Variants in MAFK observed in about 807,000 individuals in gnomAD.
MAFK encodes MAF bZIP transcription factor K.
Under a neutral mutation model 9.2 loss-of-function variants are expected in MAFK, and 1 was observed. The ratio of observed to expected loss-of-function variants is 0.11; its 90% CI spans 0.04 to 0.52. The LOEUF (loss-of-function observed/expected upper bound fraction) is 0.52. Ranked by LOEUF, MAFK falls within the 20% of genes least tolerant of loss-of-function variation. MAFK has a pLI of 0.94. For missense variants in MAFK, 207 were observed against 236.0 expected, an observed-to-expected ratio of 0.88 and a Z score of 0.81; for synonymous variants, 110 against 107.4, an observed-to-expected ratio of 1.02 and a Z score of -0.15.
intron 2 of MAFK, among the ~76,000 whole-genome samples, chr7:1,539,510 C>A (rs1366275081): frequency 7.6e-6 from 1 of 132,144 alleles, no homozygotes; most frequent in Non-Finnish European, 1.6e-5. Context: ...ATGAGCTCAT[C>A]CCCTGGCTCC....
chr7:1,540,319 A>G lies in MAFK; in HGVS notation c.415A>G (p.Ile139Val). The G allele has an allele frequency of 6.2e-7, 1 of 1,609,804 alleles. No homozygotes were observed. Among genetic ancestry groups the G allele is most frequent in the Non-Finnish European group, 8.5e-7 (1 of 1,178,442 alleles). ...GGTGGCCACCACCAGCGTCATCACC[A>G]TCGTCAAGTCCACCGAGCTCTCCTC... ...SKVATTSVIT[I>V]VKSTELSSTS... The change falls in exon 3 of 3, where the codon ATC (isoleucine) becomes GTC (valine). Residue 139 changes from isoleucine (I) to valine (V), a missense_variant. Physicochemically the swap from Ile to Val is conservative, Grantham distance 29. Coordinates refer to ENST00000343242, the MANE Select transcript of MAFK (RefSeq NM_002360.4).
Position 1,532,558 on chromosome 7 carries a change from T to C in MAFK, c.-45+1660T>C, listed in dbSNP as rs1783929137. ...GGGGCTGGTTGCCCGCAGCGTCGAC[T>C]CCCCAGGTGCTGGTAAACCCGGGAG... On this transcript the variant is annotated intron_variant, in intron 1 of 2. Transcript: ENST00000343242. This position sits in a 1 kb window ranked among gnomAD's most constrained non-coding sequence, Gnocchi z 4.5. Among the ~76,000 whole-genome samples, 1 of 152,148 alleles carries C rather than the reference T, an allele frequency of 6.6e-6. No individual in the cohort carries two copies. Among genetic ancestry groups the C allele is most frequent in the South Asian group, 2.1e-4 (1 of 4,826 alleles).
At chr7:1,539,045 G>T in intron 1 of MAFK, 104 bp from the exon 2 acceptor site, 2 of 855,084 alleles carry the variant, frequency 2.3e-6, no homozygotes, top group South Asian at 2.9e-5. Flanking sequence ...TGCTGTGACT[G>T]TCCACCCCGG....
chr7:1,538,779 C>G, intron 1 of MAFK: 1 of 229,584 alleles, frequency 4.4e-6, no homozygotes, highest in Non-Finnish European at 8.6e-6. Flanking sequence ...GAAGCAGCCA[C>G]TGCCGGCGCC....
chr7:1,535,063 T>A lies in MAFK; in HGVS notation c.-44-4086T>A, dbSNP rs75226205. ...CGGGACCATAGGCACATATGTGCCA[T>A]CACAACTGGCTATTTAAAATTCTTT... On this transcript the variant is annotated intron_variant, in intron 1 of 2. Transcript: ENST00000343242. 3.7e-3 allele frequency among the ~76,000 whole-genome samples: 533 copies of A among 145,482 alleles called. 1 individual carries two copies. The highest frequency in any genetic ancestry group is 6.0e-3 in the Non-Finnish European group (401 of 66,706).
At chr7:1,538,347 C>G (rs1361065962) in intron 1 of MAFK, 1 of 984,614 alleles carries the variant, frequency 1.0e-6, no homozygotes, top group Non-Finnish European at 1.2e-6. Flanking sequence ...GCTGCGGCCC[C>G]CGGACCTGCC....
chr7:1,537,855 C>T (rs1194567196), intron 1 of MAFK: 1 of 241,428 alleles, frequency 4.1e-6, no homozygotes, highest in Non-Finnish European at 6.7e-6. Context: ...TGCGGTCACC[C>T]GCCCCCATGA....
Position 1,539,929 on chromosome 7 carries a change from G to A in MAFK, c.37-12G>A, listed in dbSNP as rs1269333058. The A allele has an allele frequency of 5.3e-6, 8 of 1,514,322 alleles. No individual in the cohort carries two copies. Among genetic ancestry groups the A allele is most frequent in the Non-Finnish European group, 7.1e-6 (8 of 1,126,732 alleles). The allele number at this position is 1,514,322 out of a possible 1,614,324, so 93.8% of individuals were successfully genotyped here. A position where few individuals can be genotyped will look rare whatever the true frequency, so the allele number is the denominator to read the frequency against. On this transcript the variant is annotated splice_polypyrimidine_tract_variant and intron_variant, in intron 2 of 2. Transcript: ENST00000343242. ...GTTCTCCCGCCGCTGACCCCGCACT[G>A]TGGCCCCCCAGGTCAAGAAGGAGGC...
At position 1,539,210 on chromosome 7, in the gene MAFK, A is replaced by T; in HGVS notation, c.18A>T (p.Lys6Asn). 1 of 1,611,884 alleles carries T rather than the reference A, an allele frequency of 6.2e-7. No homozygotes were observed. The highest frequency in any genetic ancestry group is 1.3e-5 in the African/African-American group (1 of 74,852). ...CCCGGGTTATGACGACTAATCCCAA[A>T]CCGAATAAGGCATTAAAGGTAAGGC... MTTNP[K>N]PNKALKVKKE... The change falls in exon 2 of 3, where the codon AAA becomes AAT. Residue 6 changes from lysine (K) to asparagine (N), a missense_variant. By Grantham distance (94) the Lys-to-Asn change is moderately conservative. Transcript: ENST00000343242.
In MAFK at chr7:1,532,993, T is replaced by A. The variant is rs1186260055; in HGVS notation, c.-45+2095T>A. 6.6e-6 allele frequency among the ~76,000 whole-genome samples: 1 copy of A among 152,256 alleles called. No homozygotes were observed. Among genetic ancestry groups the A allele is most frequent in the African/African-American group, 2.4e-5 (1 of 41,472 alleles). ...GATGCCTTTCCCCGCTATTTATTTT[T>A]GCTTTTTATAAGTCACAGACTCGTC... On this transcript the variant is annotated intron_variant, in intron 1 of 2. Coordinates refer to ENST00000343242, the MANE Select transcript of MAFK (RefSeq NM_002360.4). The surrounding 1 kb of genome is among the most constrained non-coding windows in gnomAD (Gnocchi z 4.5).
Position 1,532,554 on chromosome 7 carries a change from C to T in MAFK, c.-45+1656C>T, listed in dbSNP as rs974782034. ...TTGAGGGGCTGGTTGCCCGCAGCGT[C>T]GACTCCCCAGGTGCTGGTAAACCCG... On this transcript the variant is annotated intron_variant, in intron 1 of 2. Transcript: ENST00000343242. This position sits in a 1 kb window ranked among gnomAD's most constrained non-coding sequence, Gnocchi z 4.5. Among the ~76,000 whole-genome samples, 7 of 152,182 alleles carry T rather than the reference C, an allele frequency of 4.6e-5. No homozygotes were observed. Among genetic ancestry groups the T allele is most frequent in the African/African-American group, 1.2e-4 (5 of 41,440 alleles).
Position 1,534,823 on chromosome 7 carries a change from G to A in MAFK, c.-45+3925G>A, listed in dbSNP as rs1040023806. 7 of 355,052 alleles carry A rather than the reference G, an allele frequency of 2.0e-5. No individual in the cohort carries two copies. Among genetic ancestry groups the A allele is most frequent in the East Asian group, 1.5e-4 (2 of 13,302 alleles). 22.0% of individuals were successfully genotyped at this position (355,052 alleles called of 1,614,324 possible). A position where few individuals can be genotyped will look rare whatever the true frequency, so the allele number is the denominator to read the frequency against. ...TCAGAGCCCCAAAGCTGAAATCCCC[G>A]TTTCTCTATGGGCATCCACAGCCGG... On this transcript the variant is annotated intron_variant, in intron 1 of 2. Coordinates refer to ENST00000343242, the MANE Select transcript of MAFK (RefSeq NM_002360.4). The surrounding 1 kb of genome is among the most constrained non-coding windows in gnomAD (Gnocchi z 4.3).
intron 1 of MAFK, 127 bp from the exon 2 acceptor site, chr7:1,539,021 TC>T: frequency 2.7e-6 from 2 of 734,456 alleles, no homozygotes; most frequent in Non-Finnish European, 4.7e-6. Flanking sequence ...TGGTGCCCCG[TC>T]TTGTTTTCAT....
Position 1,532,515 on chromosome 7 carries a change from AC to A in MAFK, c.-45+1619del, listed in dbSNP as rs1783927352. Among the ~76,000 whole-genome samples, 1 of 152,136 alleles carries A rather than the reference AC, an allele frequency of 6.6e-6. No individual in the cohort carries two copies. Among genetic ancestry groups the A allele is most frequent in the South Asian group, 2.1e-4 (1 of 4,832 alleles). On this transcript the variant is annotated intron_variant, in intron 1 of 2. Coordinates refer to ENST00000343242, the MANE Select transcript of MAFK (RefSeq NM_002360.4). The surrounding 1 kb of genome is among the most constrained non-coding windows in gnomAD (Gnocchi z 4.5). ...GGCTTCTCCTGCCTTTTATCCTTGA[AC>A]CGAGCCAGGGCTTTGAGGGGCTGGT... is the stretch of plus-strand genomic sequence containing the variant.
At chr7:1,539,013 G>T in intron 1 of MAFK, 136 bp from the exon 2 acceptor site, 2 of 701,500 alleles carry the variant, frequency 2.9e-6, no homozygotes, top group Non-Finnish European at 5.0e-6. Context: ...GGCCCGGATG[G>T]TGCCCCGTCT....
Position 1,534,535 on chromosome 7 carries a change from G to C in MAFK, c.-45+3637G>C, listed in dbSNP as rs750848376. On this transcript the variant is annotated intron_variant, in intron 1 of 2. Transcript: ENST00000343242. The surrounding 1 kb of genome is among the most constrained non-coding windows in gnomAD (Gnocchi z 4.3). The stretch of plus-strand genomic sequence containing the variant: ...CTGGGTTTCTGAACCCGTGTCTCTC[G>C]CACAGAGCTCCCGTCCTCCGTTCCT... The C allele has an allele frequency of 1.7e-4, 77 of 454,986 alleles. 2 individuals carry two copies. The highest frequency in any genetic ancestry group is 1.1e-3 in the South Asian group (72 of 64,460). The allele number at this position is 454,986 out of a possible 1,614,324, so 28.2% of individuals were successfully genotyped here.
At position 1,538,257 on chromosome 7, in the gene MAFK, G is replaced by A. The variant is rs560042043; in HGVS notation, c.-44-892G>A. The A allele has an allele frequency of 4.9e-5, 48 of 985,112 alleles. 1 individual carries two copies. Among genetic ancestry groups the A allele is most frequent in the South Asian group, 1.4e-4 (3 of 21,288 alleles). The allele number at this position is 985,112 out of a possible 1,614,324, so 61.0% of individuals were successfully genotyped here. ...GACACAATGCAGACGTGAGGACGGCGGGGGCGGCGGCGGGGACGACTCCCG... is the reference window on the plus strand; with the variant it reads ...GACACAATGCAGACGTGAGGACGGCAGGGGCGGCGGCGGGGACGACTCCCG... On this transcript the variant is annotated intron_variant, in intron 1 of 2. Transcript: ENST00000343242.
At position 1,540,295 on chromosome 7, in the gene MAFK, G is replaced by T. The variant is rs1278753984; in HGVS notation, c.391G>T (p.Val131Leu). 6.2e-7 allele frequency: 1 copy of T among 1,611,688 alleles called. No homozygotes were observed. The highest frequency in any genetic ancestry group is 2.2e-5 in the East Asian group (1 of 44,834). The change falls in exon 3 of 3, where the codon GTG (valine) becomes TTG (leucine). Residue 131 changes from valine (V) to leucine (L), a missense_variant. Physicochemically the swap from Val to Leu is conservative, Grantham distance 32 (BLOSUM62 1). Transcript: ENST00000343242. ...VARGPVAPSK[V>L]ATTSVITIVK... is the part of the protein sequence containing the mutation. The stretch of plus-strand genomic sequence containing the variant: ...CCGGGGACCTGTGGCGCCCTCCAAG[G>T]TGGCCACCACCAGCGTCATCACCAT...
chr7:1,535,719 C>T (rs1252000313), intron 1 of MAFK, among the ~76,000 whole-genome samples: 1 of 152,248 alleles, frequency 6.6e-6, no homozygotes, highest in Non-Finnish European at 1.5e-5. Context: ...ATCACCTGCT[C>T]CTGAAAGCAC....
Sources: gnomAD v4.1 joint callset for allele counts (sites outside exome capture counted in the v4.1 genomes callset) on GRCh38, gnomAD v4.1.1 for gene constraint, Gnocchi (gnomAD v3.1) non-coding constraint, MANE v1.5 for transcripts, NCBI Gene and HGNC (gene_info 2026-07-23, HGNC 2026-07-21) for gene names.